The following UBE2G2 variants were observed in gnomAD, a reference collection of about 807,000 sequenced individuals.
The protein encoded by UBE2G2 is ubiquitin-conjugating enzyme E2 G2.
A neutral mutation model predicts 23.0 loss-of-function variants in UBE2G2; 10 were observed. The ratio of observed to expected loss-of-function variants is 0.43; its 90% CI spans 0.27 to 0.74. The LOEUF is 0.74. Among genes scored for constraint, UBE2G2 ranks in the 30% least tolerant of loss-of-function variants. UBE2G2 has a pLI of 0.19. For synonymous variants in UBE2G2, 86 were observed against 81.3 expected (o/e 1.06, Z -0.31); for missense variants, 150 against 218.3 (o/e 0.69, Z 1.97).
intron 1 of UBE2G2, among the ~76,000 whole-genome samples, chr21:44,798,587 G>T (rs529173191): frequency 6.6e-6 from 1 of 152,306 alleles, no homozygotes; most frequent in African/African-American, 2.4e-5. Flanking sequence ...TCCATCTCAA[G>T]AATCACTTCT....
In UBE2G2 at chr21:44,770,328, C is replaced by T. The variant is rs1447270972; in HGVS notation, c.*1049G>A. On this transcript the variant is annotated 3_prime_UTR_variant, in exon 6 of 6. Transcript: ENST00000345496. ...ACTTTAAAGACCTCACCTGCACCTGCTCTAGTAATGCACTAGTTACTAATA... is the reference window on the plus strand; with the variant it reads ...ACTTTAAAGACCTCACCTGCACCTGTTCTAGTAATGCACTAGTTACTAATA... 1 of 152,222 alleles carries T rather than the reference C, an allele frequency of 6.6e-6. No homozygotes were observed. Among genetic ancestry groups the T allele is most frequent in the Non-Finnish European group, 1.5e-5 (1 of 68,046 alleles). The allele number at this position is 152,222 out of a possible 1,614,324, so 9.4% of individuals were successfully genotyped here. A position where few individuals can be genotyped will look rare whatever the true frequency, so the allele number is the denominator to read the frequency against.
chr21:44,791,187 G>C (rs144850733), intron 1 of UBE2G2, among the ~76,000 whole-genome samples: 2 of 152,138 alleles, frequency 1.3e-5, no homozygotes, highest in Admixed American at 6.5e-5. Flanking sequence ...TGAAAACTTC[G>C]CAGCATGACG....
At chr21:44,786,626 C>G (rs1238630877) in intron 3 of UBE2G2, among the ~76,000 whole-genome samples, 5 of 152,180 alleles carry the variant, frequency 3.3e-5, no homozygotes, top group African/African-American at 1.2e-4. Flanking sequence ...TAATGTGATC[C>G]AAGCAACTGG....
intron 1 of UBE2G2, among the ~76,000 whole-genome samples, chr21:44,792,034 G>A (rs782148237): frequency 1.3e-5 from 2 of 152,214 alleles, no homozygotes; most frequent in Non-Finnish European, 2.9e-5. Context: ...ATGGGGGCCT[G>A]TAGCCCTTTG....
chr21:44,788,287 G>GTTTTTTTTTTTTTTTTTTTTTTTTT (rs71326069), intron 1 of UBE2G2, among the ~76,000 whole-genome samples, 192 bp from the exon 2 acceptor site: 1 of 135,594 alleles, frequency 7.4e-6, no homozygotes, highest in Non-Finnish European at 1.6e-5. Context: ...AAGTTTTTTT[G>GTTTTTTTTTTTTTTTTTTTTTTTTT]TTTTTTTTTT....
At position 44,788,048 on chromosome 21, in the gene UBE2G2, T is replaced by G. The variant is rs782013943; in HGVS notation, c.79+12A>C. 6.2e-7 allele frequency: 1 copy of G among 1,611,970 alleles called. No individual in the cohort carries two copies. The highest frequency in any genetic ancestry group is 1.1e-5 in the South Asian group (1 of 90,716). On this transcript the variant is annotated intron_variant, in intron 2 of 5. Coordinates refer to ENST00000345496, the MANE Select transcript of UBE2G2 (RefSeq NM_003343.6). ...AAAGTAAATTATAAGGAAGTTAACT[T>G]TGGTACCTTACCTGCTACAATTCCT...
rs925523338 is a variant in UBE2G2 at position 44,769,677 on chromosome 21, C to T, written c.*1700G>A. The stretch of plus-strand genomic sequence containing the variant: ...GCAGGCGTGAGCCACAGCACCCAGC[C>T]TCCAAATTTTAAATGAGCCCCTTGT... On this transcript the variant is annotated 3_prime_UTR_variant, in exon 6 of 6. Coordinates refer to ENST00000345496, the MANE Select transcript of UBE2G2 (RefSeq NM_003343.6). The T allele has an allele frequency of 3.3e-5, 5 of 152,230 alleles. No homozygotes were observed. Among genetic ancestry groups the T allele is most frequent in the Non-Finnish European group, 7.3e-5 (5 of 68,080 alleles). 9.4% of individuals were successfully genotyped at this position (152,230 alleles called of 1,614,324 possible). A position where few individuals can be genotyped will look rare whatever the true frequency, so the allele number is the denominator to read the frequency against.
intron 3 of UBE2G2, among the ~76,000 whole-genome samples, chr21:44,779,481 C>G (rs1441173363): frequency 2.6e-5 from 4 of 151,544 alleles, no homozygotes; most frequent in Non-Finnish European, 5.9e-5. Context: ...AACAGCCGCG[C>G]TGGAGAGGAC....
At chr21:44,785,202 C>A (rs2082985978) in intron 3 of UBE2G2, among the ~76,000 whole-genome samples, 1 of 152,324 alleles carries the variant, frequency 6.6e-6, no homozygotes, top group South Asian at 2.1e-4. Context: ...CATGCTAGCA[C>A]CCACAGCCAC....
rs782471020 is a variant in UBE2G2 at position 44,801,750 on chromosome 21, G to T, written c.-2C>A. ...CCTCTTGAGCGCGGTCCCCGCCATG[G>T]CCCCGCAACAGCTGCGCCGAGCGAC... is the stretch of plus-strand genomic sequence containing the variant. On this transcript the variant is annotated 5_prime_UTR_variant, in exon 1 of 6. Coordinates refer to ENST00000345496, the MANE Select transcript of UBE2G2 (RefSeq NM_003343.6). 11 of 1,519,434 alleles carry T rather than the reference G, an allele frequency of 7.2e-6. No individual in the cohort carries two copies. The South Asian group carries it at 1.2e-4, about 17-fold the overall frequency. 94.1% of individuals were successfully genotyped at this position (1,519,434 alleles called of 1,614,324 possible).
intron 3 of UBE2G2, among the ~76,000 whole-genome samples, chr21:44,786,714 G>A (rs1179308738): frequency 5.3e-5 from 8 of 152,052 alleles, no homozygotes; most frequent in East Asian, 1.9e-4. Flanking sequence ...TCACTTTTCC[G>A]GTCCTTGCCC....
intron 1 of UBE2G2, among the ~76,000 whole-genome samples, chr21:44,795,576 G>A (rs1302556278): frequency 1.3e-5 from 2 of 151,684 alleles, no homozygotes; most frequent in African/African-American, 4.8e-5. Flanking sequence ...AGGCTGCCAT[G>A]AGCCATGACT....
intron 4 of UBE2G2, 63 bp downstream of exon 4, chr21:44,777,236 G>T: frequency 7.5e-7 from 1 of 1,339,924 alleles, no homozygotes; most frequent in Non-Finnish European, 1.1e-6. Flanking sequence ...CATTTCAGGT[G>T]GCTGATAATA....
At chr21:44,774,804 G>A in intron 4 of UBE2G2, 1 of 443,852 alleles carries the variant, frequency 2.3e-6, no homozygotes, top group Non-Finnish European at 4.5e-6. Context: ...TCCAGGAGTT[G>A]GTCCCATAGG....
At position 44,773,940 on chromosome 21, in the gene UBE2G2, C is replaced by G. The variant is rs2082893939; in HGVS notation, c.245-253G>C. On this transcript the variant is annotated intron_variant, in intron 4 of 5. Coordinates refer to ENST00000345496, the MANE Select transcript of UBE2G2 (RefSeq NM_003343.6). ...TAATCAGCTGTCGTAGTCTAATCCA[C>G]TTTCATATGAATTTTTTTCAAGCAA... 7.8e-6 allele frequency: 3 copies of G among 383,758 alleles called. No individual in the cohort carries two copies. The South Asian group carries it at 2.3e-4, about 30-fold the overall frequency. The allele number at this position is 383,758 out of a possible 1,614,324, so 23.8% of individuals were successfully genotyped here.
At chr21:44,799,284 A>G (rs1555964354) in intron 1 of UBE2G2, among the ~76,000 whole-genome samples, 3 of 152,228 alleles carry the variant, frequency 2.0e-5, no homozygotes, top group Non-Finnish European at 4.4e-5. Context: ...TTAGCCCCTA[A>G]CAAGAGTCGC....
chr21:44,801,540 G>A (rs1235146451), intron 1 of UBE2G2, 166 bp downstream of exon 1: 2 of 1,139,728 alleles, frequency 1.8e-6, no homozygotes, highest in Non-Finnish European at 2.3e-6. Context: ...GTGAGAGTGG[G>A]CAGCGGGCGC....
In UBE2G2 at chr21:44,793,873, A is replaced by G. The variant is rs958770761; in HGVS notation, c.44-5778T>C. Among the ~76,000 whole-genome samples, 35 of 152,352 alleles carry G rather than the reference A, an allele frequency of 2.3e-4. 1 individual carries two copies. The highest frequency in any genetic ancestry group is 2.0e-3 in the Admixed American group (31 of 15,294). ...CAGGACTATTTGTAAAAACAAAAAG[A>G]AATTAAAAAGAACTTGAGTGTCTAT... On this transcript the variant is annotated intron_variant, in intron 1 of 5. Coordinates refer to ENST00000345496, the MANE Select transcript of UBE2G2 (RefSeq NM_003343.6).
intron 1 of UBE2G2, among the ~76,000 whole-genome samples, chr21:44,788,626 T>A (rs899199246): frequency 6.6e-6 from 1 of 151,968 alleles, no homozygotes; most frequent in South Asian, 2.1e-4. Context: ...AGACTTTTCT[T>A]TTTCTTTTTC....
Sources: gnomAD v4.1 joint callset for allele counts (sites outside exome capture counted in the v4.1 genomes callset) on GRCh38, gnomAD v4.1.1 for gene constraint, MANE v1.5 for transcripts, NCBI Gene and HGNC (gene_info 2026-07-23, HGNC 2026-07-21) for gene names.